The following AKAP6 variants were observed in gnomAD, a reference collection of about 807,000 sequenced individuals.
AKAP6 encodes the protein A-kinase anchoring protein 6.
AKAP6 carries 58 observed loss-of-function variants against 188.5 expected under a neutral mutation model. That is an observed-to-expected ratio of 0.31 (90% CI 0.25 to 0.38). AKAP6 has a LOEUF of 0.38. Ranked by LOEUF, AKAP6 falls within the 10% of genes least tolerant of loss-of-function variation. The pLI is 1.00. For missense variants in AKAP6, 2,710 were observed against 2,740.0 expected, an observed-to-expected ratio of 0.99 and a Z score of 0.24; for synonymous variants, 989 against 998.6, an observed-to-expected ratio of 0.99 and a Z score of 0.18.
intron 2 of AKAP6, among the ~76,000 whole-genome samples, chr14:32,489,777 G>T (rs1342326969): frequency 6.6e-6 from 1 of 152,178 alleles, no homozygotes; most frequent in Non-Finnish European, 1.5e-5. Context: ...AAATAATATA[G>T]TTTGCCTGAT....
At chr14:32,527,484 G>A (rs375249122) in intron 2 of AKAP6, among the ~76,000 whole-genome samples, 80 of 152,320 alleles carry the variant, frequency 5.3e-4, no homozygotes, top group African/African-American at 1.8e-3. Context: ...ACCAAGGAGT[G>A]CGATTGCTGG....
chr14:32,732,989 T>C (rs2031253688), intron 10 of AKAP6: 1 of 305,662 alleles, frequency 3.3e-6, no homozygotes, highest in African/African-American at 2.2e-5. Context: ...TGTTTAACTA[T>C]TTACTGTACC....
chr14:32,512,382 T>A (rs926870330), intron 2 of AKAP6, among the ~76,000 whole-genome samples: 1 of 152,220 alleles, frequency 6.6e-6, no homozygotes. Flanking sequence ...TAAAAATTAC[T>A]TTATAGACGA....
chr14:32,702,277 C>T (rs1407816064), intron 9 of AKAP6, among the ~76,000 whole-genome samples: 1 of 152,156 alleles, frequency 6.6e-6, no homozygotes, highest in Non-Finnish European at 1.5e-5. Context: ...ACTGTCTCCA[C>T]TGCTTATCTA....
At chr14:32,700,487 A>G (rs1016301536) in intron 9 of AKAP6, among the ~76,000 whole-genome samples, 4 of 152,250 alleles carry the variant, frequency 2.6e-5, no homozygotes, top group African/African-American at 4.8e-5. Flanking sequence ...TCAATAAAAT[A>G]TTAGATTATA....
intron 12 of AKAP6, among the ~76,000 whole-genome samples, chr14:32,819,628 C>A (rs935152798): frequency 6.6e-6 from 1 of 152,072 alleles, no homozygotes; most frequent in Non-Finnish European, 1.5e-5. Context: ...CTCAAGACCA[C>A]ACTAGAGCGA....
intron 7 of AKAP6, among the ~76,000 whole-genome samples, chr14:32,658,851 C>CA (rs1462879842): frequency 3.3e-5 from 5 of 151,286 alleles, no homozygotes; most frequent in Non-Finnish European, 7.4e-5. Flanking sequence ...CTCACCAAGA[C>CA]CCAGTGAAAA....
chr14:32,640,053 GA>G (rs1223456866), intron 7 of AKAP6, among the ~76,000 whole-genome samples: 1 of 151,888 alleles, frequency 6.6e-6, no homozygotes, highest in East Asian at 1.9e-4. Flanking sequence ...AAATAAAATG[GA>G]AAAGACATTA....
chr14:32,828,502 A>T (rs554573983), intron 13 of AKAP6, among the ~76,000 whole-genome samples: 260 of 132,534 alleles, frequency 2.0e-3, no homozygotes, highest in African/African-American at 7.4e-3. Context: ...ATCACCTATC[A>T]TCTATCTCTC....
Position 32,821,948 on chromosome 14 carries a change from G to C in AKAP6, c.4135G>C (p.Glu1379Gln), listed in dbSNP as rs201491363. 22 of 1,613,962 alleles carry C rather than the reference G, an allele frequency of 1.4e-5. No homozygotes were observed. The highest frequency in any genetic ancestry group is 1.9e-5 in the Non-Finnish European group (22 of 1,179,942). The change falls in exon 13 of 14, where the codon GAA becomes CAA. Residue 1379 changes from glutamate to glutamine, a missense_variant. This residue lies in a region of AKAP6 where 2,473 missense variants were observed against 2,426.1 expected (regional missense o/e 1.02). Coordinates refer to ENST00000280979, the MANE Select transcript of AKAP6 (RefSeq NM_004274.5). The part of the protein sequence containing the change: ...EGDTETTTNS[E>Q]MCLLNAVDGS... Reference sequence around the variant, plus strand: ...AGACACAGAAACCACTACCAACTCTGAAATGTGCTTGCTCAATGCAGTGGA... The same window carrying C: ...AGACACAGAAACCACTACCAACTCTCAAATGTGCTTGCTCAATGCAGTGGA...
At chr14:32,765,805 A>G (rs540566070) in intron 11 of AKAP6, among the ~76,000 whole-genome samples, 155 of 152,172 alleles carry the variant, frequency 1.0e-3, no homozygotes, top group African/African-American at 3.6e-3. Context: ...TATTAGTTAT[A>G]TCATTAGCAT....
At chr14:32,796,541 C>T (rs920656856) in intron 12 of AKAP6, among the ~76,000 whole-genome samples, 2 of 152,176 alleles carry the variant, frequency 1.3e-5, no homozygotes, top group African/African-American at 4.8e-5. Context: ...AAAGGACTCC[C>T]TATTTAATAA....
At chr14:32,617,525 C>A (rs76562757) in intron 7 of AKAP6, among the ~76,000 whole-genome samples, 1 of 152,138 alleles carries the variant, frequency 6.6e-6, no homozygotes, top group Non-Finnish European at 1.5e-5. Flanking sequence ...CAATGCTCAG[C>A]GTAATATATC....
At chr14:32,460,810 G>A (rs1245448125) in intron 2 of AKAP6, among the ~76,000 whole-genome samples, 2 of 152,222 alleles carry the variant, frequency 1.3e-5, no homozygotes, top group Non-Finnish European at 2.9e-5. Flanking sequence ...AGCAAGCTAA[G>A]AACCACTGGC....
intron 12 of AKAP6, among the ~76,000 whole-genome samples, chr14:32,779,389 A>G (rs550860594): frequency 9.1e-5 from 13 of 143,006 alleles, no homozygotes; most frequent in African/African-American, 3.1e-4. Flanking sequence ...CAGCCTGGGC[A>G]ACAGAGTGAG....
At chr14:32,489,831 G>C (rs1879905814) in intron 2 of AKAP6, among the ~76,000 whole-genome samples, 1 of 152,184 alleles carries the variant, frequency 6.6e-6, no homozygotes, top group Non-Finnish European at 1.5e-5. Flanking sequence ...ATATTCTTTT[G>C]TGTCTCACGT....
At chr14:32,687,465 TTCTC>T (rs1889984631) in intron 8 of AKAP6, among the ~76,000 whole-genome samples, 1 of 151,108 alleles carries the variant, frequency 6.6e-6, no homozygotes, top group Non-Finnish European at 1.5e-5. Context: ...TTTTTTTTTT[TTCTC>T]TCTCTCTTAC....
At chr14:32,677,221 C>T (rs377359045) in intron 7 of AKAP6, among the ~76,000 whole-genome samples, 36 of 152,196 alleles carry the variant, frequency 2.4e-4, no homozygotes, top group African/African-American at 7.5e-4. Flanking sequence ...ACTTTTTCTC[C>T]GTAGTCGAGG....
chr14:32,537,688 T>A (rs1882746748), intron 3 of AKAP6, among the ~76,000 whole-genome samples: 2 of 152,330 alleles, frequency 1.3e-5, no homozygotes, highest in African/African-American at 4.8e-5. Context: ...AATCATATAT[T>A]TATTAAATCA....
Sources: gnomAD v4.1 joint callset for allele counts (sites outside exome capture counted in the v4.1 genomes callset) on GRCh38, gnomAD v4.1.1 for gene constraint, gnomAD v4.1.1 regional missense constraint, MANE v1.5 for transcripts, NCBI Gene and HGNC (gene_info 2026-07-23, HGNC 2026-07-21) for gene names.